The following UNC45B variants were observed in gnomAD, a reference collection of about 807,000 sequenced individuals.
UNC45B encodes unc-45 myosin chaperone B, also known as protein unc-45 homolog B.
UNC45B carries 78 observed loss-of-function variants against 98.7 expected under a neutral mutation model. The observed-to-expected ratio is 0.79, with a 90% CI of 0.66 to 0.95. The LOEUF (loss-of-function observed/expected upper bound fraction) is 0.95. UNC45B is among the 40% of genes least tolerant of loss of function. The probability of loss-of-function intolerance (pLI) is 0.00; values close to 1 mark genes in which losing one functional copy is unlikely to be tolerated. For synonymous variants in UNC45B, 462 were observed against 480.4 expected (o/e 0.96, Z 0.50); for missense variants, 1,225 against 1,184.9 (o/e 1.03, Z -0.50).
At position 35,177,054 on chromosome 17, in the gene UNC45B, G is replaced by T; in HGVS notation, c.2063G>T (p.Gly688Val). 6.2e-7 allele frequency: 1 copy of T among 1,614,200 alleles called. No individual in the cohort carries two copies. Among genetic ancestry groups the T allele is most frequent in the Non-Finnish European group, 8.5e-7 (1 of 1,180,034 alleles). Reference protein sequence around the residue: ...IPLALEGTDVGKVKAAHALAK... With the variant: ...IPLALEGTDVVKVKAAHALAK... ...CTGGCTTTGGAGGGCACAGATGTGG[G>T]CAAGGTGAAGGCAGCCCACGCTCTA... The change falls in exon 16 of 20, where the codon GGC (glycine) becomes GTC (valine). Residue 688 changes from glycine to valine, a missense_variant. Transcript: ENST00000394570.
At position 35,171,397 on chromosome 17, in the gene UNC45B, G is replaced by A. The variant is rs1372163139; in HGVS notation, c.1765G>A (p.Val589Ile). ...NCTNSYDVKEVIPELVQLAKF... is the reference protein window; with the variant it reads ...NCTNSYDVKEIIPELVQLAKF... ...CACCAACAGCTACGATGTCAAGGAG[G>A]TCATCCCAGAGCTTGTCCAGCTCGC... Residue 589 changes from valine (V) to isoleucine (I), a missense_variant, in exon 13 of 20, where the codon GTC becomes ATC. Transcript: ENST00000394570. 1 of 1,614,046 alleles carries A rather than the reference G, an allele frequency of 6.2e-7. No homozygotes were observed. The highest frequency in any genetic ancestry group is 1.3e-5 in the African/African-American group (1 of 74,920).
rs746858946 is a variant in UNC45B, at chr17:35,154,580, A to C, written c.478A>C (p.Asn160His). 34 of 1,612,638 alleles carry C rather than the reference A, an allele frequency of 2.1e-5. No homozygotes were observed. The highest frequency in any genetic ancestry group is 1.7e-4 in the Middle Eastern group (1 of 6,058). The stretch of plus-strand genomic sequence containing the variant: ...TTGCCTCTTCCTCCTTCAGGCTGCC[A>C]ACAATCTCATTGTCCTAGGCCGTGA... ...SEADKREKAA[N>H]NLIVLGREEA... The change falls in exon 6 of 20, where the codon AAC becomes CAC. Residue 160 changes from asparagine (N) to histidine (H), a missense_variant. Transcript: ENST00000394570.
At chr17:35,151,279 GC>G in intron 4 of UNC45B, 2 of 210,298 alleles carry the variant, frequency 9.5e-6, no homozygotes, top group Non-Finnish European at 2.0e-5. Context: ...AAGGACTTGG[GC>G]CCCACACGAG....
chr17:35,170,740 G>A (rs983335035), intron 12 of UNC45B, among the ~76,000 whole-genome samples: 1 of 152,112 alleles, frequency 6.6e-6, no homozygotes, highest in African/African-American at 2.4e-5. Context: ...GGAGGCTGAG[G>A]TGGGAGGATT....
In UNC45B at chr17:35,188,095, C is replaced by T. The variant is rs2092314395; in HGVS notation, c.*1536C>T. 1 of 152,174 alleles carries T rather than the reference C, an allele frequency of 6.6e-6. No individual in the cohort carries two copies. Among genetic ancestry groups the T allele is most frequent in the South Asian group, 2.1e-4 (1 of 4,822 alleles). 9.4% of individuals were successfully genotyped at this position (152,174 alleles called of 1,614,324 possible). A position where few individuals can be genotyped will look rare whatever the true frequency, so the allele number is the denominator to read the frequency against. On this transcript the variant is annotated 3_prime_UTR_variant, in exon 20 of 20. Transcript: ENST00000394570. Reference sequence around the variant, plus strand: ...CGCTGTACCTCTAGAGAACTAAAACCTTAATTTCTCAGATCTTTTCTGCAC... The same window carrying T: ...CGCTGTACCTCTAGAGAACTAAAACTTTAATTTCTCAGATCTTTTCTGCAC...
intron 19 of UNC45B, among the ~76,000 whole-genome samples, chr17:35,185,801 G>A (rs896873232): frequency 6.6e-6 from 1 of 152,112 alleles, no homozygotes; most frequent in Non-Finnish European, 1.5e-5. Context: ...CATATGGTTG[G>A]TAGCGTGACC....
At chr17:35,179,453 T>C (rs2092258851) in intron 17 of UNC45B, among the ~76,000 whole-genome samples, 1 of 152,218 alleles carries the variant, frequency 6.6e-6, no homozygotes, top group Admixed American at 6.5e-5. Flanking sequence ...CATGCACACG[T>C]ATGTTTATTG....
At position 35,175,077 on chromosome 17, in the gene UNC45B, A is replaced by AAG. The variant is rs199675693; in HGVS notation, c.1958+710_1958+711dup. Among the ~76,000 whole-genome samples the AAG allele has an allele frequency of 9.3e-3, 1,143 of 122,418 alleles. 24 individuals carry two copies. The highest frequency in any genetic ancestry group is 0.07 in the East Asian group (313 of 4,464). The allele number at this position is 122,418 out of a possible 152,430, so 80.3% of individuals were successfully genotyped here. On this transcript the variant is annotated intron_variant, in intron 14 of 19. Coordinates refer to ENST00000394570, the MANE Select transcript of UNC45B (RefSeq NM_001267052.2). ...AAAGGAAAGAAGAAAGAAAGAAAGA[A>AAG]AGAAAGAAAGAGAAAGAAAGAAAAA...
At chr17:35,179,386 C>G (rs2092258095) in intron 17 of UNC45B, among the ~76,000 whole-genome samples, 1 of 152,200 alleles carries the variant, frequency 6.6e-6, no homozygotes, top group Non-Finnish European at 1.5e-5. Flanking sequence ...TTTGACCCAG[C>G]AATCCCATTG....
intron 2 of UNC45B, 128 bp downstream of exon 2, chr17:35,148,559 G>A (rs376669487): frequency 4.4e-6 from 5 of 1,135,098 alleles, no homozygotes; most frequent in East Asian, 5.1e-5. Flanking sequence ...TGGGGTTGGA[G>A]AAGGGTGCCT....
chr17:35,168,302 C>T lies in UNC45B; in HGVS notation c.1393C>T (p.Leu465=). ...ATFIITNGVS[L]LKQIYKTTKN... ...CTTCATCATCACCAATGGAGTGTCA[C>T]TGCTCAAACAGATCTACAAGACCAC... The change falls in exon 10 of 20, where the codon CTG becomes TTG. Residue 465 remains leucine, a synonymous_variant. Transcript: ENST00000394570. 6.9e-7 allele frequency: 1 copy of T among 1,448,852 alleles called. No homozygotes were observed. The highest frequency in any genetic ancestry group is 9.2e-7 in the Non-Finnish European group (1 of 1,092,768). 89.7% of individuals were successfully genotyped at this position (1,448,852 alleles called of 1,614,324 possible). A position where few individuals can be genotyped will look rare whatever the true frequency, so the allele number is the denominator to read the frequency against.
At position 35,187,913 on chromosome 17, in the gene UNC45B, T is replaced by A. The variant is rs1417643005; in HGVS notation, c.*1354T>A. 6.6e-6 allele frequency: 1 copy of A among 152,156 alleles called. No individual in the cohort carries two copies. The highest frequency in any genetic ancestry group is 1.5e-5 in the Non-Finnish European group (1 of 68,032). 9.4% of individuals were successfully genotyped at this position (152,156 alleles called of 1,614,324 possible). A position where few individuals can be genotyped will look rare whatever the true frequency, so the allele number is the denominator to read the frequency against. The stretch of plus-strand genomic sequence containing the variant: ...TCTGATCTCAGCATTGGGTAAAGGG[T>A]GGGACATTCAGATTTACGGTCCTTG... On this transcript the variant is annotated 3_prime_UTR_variant, in exon 20 of 20. Coordinates refer to ENST00000394570, the MANE Select transcript of UNC45B (RefSeq NM_001267052.2).
intron 6 of UNC45B, among the ~76,000 whole-genome samples, 180 bp from the exon 7 acceptor site, chr17:35,155,116 G>T (rs905845327): frequency 5.3e-5 from 8 of 152,242 alleles, no homozygotes; most frequent in Non-Finnish European, 7.3e-5. Context: ...CTCCAGAGAT[G>T]GGCATGGCTT....
chr17:35,181,953 T>C lies in UNC45B; in HGVS notation c.2373+1277T>C, dbSNP rs146116702. On this transcript the variant is annotated intron_variant, in intron 18 of 19. Transcript: ENST00000394570. Reference sequence around the variant, plus strand: ...GAGGCTGAGAGGTTGAGAGAGGTAATGGGAGGAGGGAGGCAACCTTTCCTA... The same window carrying C: ...GAGGCTGAGAGGTTGAGAGAGGTAACGGGAGGAGGGAGGCAACCTTTCCTA... Among the ~76,000 whole-genome samples the C allele has an allele frequency of 2.0e-5, 3 of 151,848 alleles. No individual in the cohort carries two copies. The East Asian group carries it at 5.8e-4, about 30-fold the overall frequency.
chr17:35,180,642 C>T lies in UNC45B; in HGVS notation c.2339C>T (p.Thr780Ile). Residue 780 changes from threonine to isoleucine, a missense_variant, in exon 18 of 20, where the codon ACC (threonine) becomes ATC (isoleucine). Thr to Ile is a moderately conservative substitution (Grantham distance 89, BLOSUM62 -1). Coordinates refer to ENST00000394570, the MANE Select transcript of UNC45B (RefSeq NM_001267052.2). Reference sequence around the variant, plus strand: ...CATGATCAGCTGCGGCAGGCGGCCACCGAGTGCATGTGCAACATGGTGCTC... The same window carrying T: ...CATGATCAGCTGCGGCAGGCGGCCATCGAGTGCATGTGCAACATGGTGCTC... ...ENHDQLRQAA[T>I]ECMCNMVLHK... The T allele has an allele frequency of 6.2e-7, 1 of 1,613,804 alleles. No individual in the cohort carries two copies. Among genetic ancestry groups the T allele is most frequent in the African/African-American group, 1.3e-5 (1 of 74,982 alleles).
intron 4 of UNC45B, among the ~76,000 whole-genome samples, chr17:35,151,719 G>A (rs1261000592): frequency 1.3e-5 from 2 of 152,214 alleles, no homozygotes; most frequent in Non-Finnish European, 2.9e-5. Context: ...TGTCCAGGGT[G>A]CAGACTCAAG....
chr17:35,168,040 C>A, intron 9 of UNC45B, 21 bp from the exon 10 acceptor site: 3 of 1,429,748 alleles, frequency 2.1e-6, no homozygotes, highest in East Asian at 2.6e-5. Flanking sequence ...TTCTCTTGAC[C>A]ACCCTTGTCC....
intron 13 of UNC45B, among the ~76,000 whole-genome samples, chr17:35,173,179 G>A (rs919679098): frequency 6.8e-6 from 1 of 147,048 alleles, no homozygotes; most frequent in Non-Finnish European, 1.5e-5. Context: ...CAGGCGGAGT[G>A]CAGTGGTGCA....
intron 17 of UNC45B, 71 bp from the exon 18 acceptor site, chr17:35,180,488 G>A: frequency 8.3e-7 from 1 of 1,202,182 alleles, no homozygotes; most frequent in South Asian, 1.3e-5. Context: ...ATGGTCCCTG[G>A]GTGGCCAGAA....
Sources: allele counts gnomAD v4.1 joint callset (sites outside exome capture counted in the v4.1 genomes callset), GRCh38; gene constraint gnomAD v4.1.1; transcripts MANE v1.5; gene names NCBI Gene and HGNC (gene_info 2026-07-23, HGNC 2026-07-21).